The following RUBCN variants were observed in gnomAD, a reference collection of about 807,000 sequenced individuals.
RUBCN encodes the protein run domain Beclin-1-interacting and cysteine-rich domain-containing protein.
In RUBCN, 74 loss-of-function variants were observed where a neutral mutation model predicts 113.2. That is an observed-to-expected ratio of 0.65 (90% CI 0.54 to 0.79). The LOEUF is 0.79. Ranked by LOEUF, RUBCN falls within the 30% of genes least tolerant of loss-of-function variation. The pLI is 0.00. For synonymous variants in RUBCN, 480 were observed against 490.0 expected (o/e 0.98, Z 0.27); for missense variants, 1,109 against 1,251.7 (o/e 0.89, Z 1.72).
Position 197,744,332 on chromosome 3 carries a change from A to T in RUBCN, c.-116+4937T>A, listed in dbSNP as rs191980658. ...CCAAAAATGCAATATTTGGAACATC[A>T]ACATTCAAAAACAAAATCAACATTC... is the stretch of plus-strand genomic sequence containing the variant. On this transcript the variant is annotated intron_variant, in intron 1 of 20. Coordinates refer to the RUBCN transcript ENST00000273582. 1.3e-4 allele frequency among the ~76,000 whole-genome samples: 20 copies of T among 152,296 alleles called. 1 individual carries two copies. The highest frequency in any genetic ancestry group is 1.3e-3 in the Admixed American group (20 of 15,290).
At chr3:197,710,452 T>C (rs1437351193) in intron 2 of RUBCN, among the ~76,000 whole-genome samples, 2 of 151,698 alleles carry the variant, frequency 1.3e-5, no homozygotes, top group Non-Finnish European at 2.9e-5. Flanking sequence ...AATACAAAAT[T>C]AGCTGGGCAT....
At chr3:197,709,427 C>A (rs956186660) in intron 2 of RUBCN, among the ~76,000 whole-genome samples, 2 of 152,092 alleles carry the variant, frequency 1.3e-5, no homozygotes, top group African/African-American at 4.8e-5. Flanking sequence ...GTTGCCCAAG[C>A]TGGAGTGCAA....
intron 1 of RUBCN, among the ~76,000 whole-genome samples, chr3:197,745,753 T>G (rs1334527396): frequency 2.0e-5 from 3 of 151,158 alleles, no homozygotes; most frequent in African/African-American, 7.3e-5. Context: ...ACTATGAGGT[T>G]GAGCTGGGCG....
chr3:197,725,656 C>T (rs551392621), intron 1 of RUBCN, among the ~76,000 whole-genome samples: 6 of 151,322 alleles, frequency 4.0e-5, no homozygotes, highest in South Asian at 2.1e-4. Flanking sequence ...AGCCACTGCA[C>T]GCAGCCAAAG....
intron 1 of RUBCN, among the ~76,000 whole-genome samples, chr3:197,732,116 CG>C (rs535108116): frequency 6.8e-4 from 104 of 152,324 alleles, no homozygotes; most frequent in African/African-American, 2.4e-3. Flanking sequence ...GATGCTAAAA[CG>C]GATCTTACTC....
intron 1 of RUBCN, among the ~76,000 whole-genome samples, chr3:197,721,862 G>A (rs927414099): frequency 6.6e-6 from 1 of 152,174 alleles, no homozygotes; most frequent in Non-Finnish European, 1.5e-5. Flanking sequence ...TCAGGAGCAT[G>A]TTGTTTAATT....
At chr3:197,717,116 G>A (rs1725603385) in intron 2 of RUBCN, among the ~76,000 whole-genome samples, 2 of 149,840 alleles carry the variant, frequency 1.3e-5, no homozygotes, top group African/African-American at 2.5e-5. Flanking sequence ...GCGAGACCCC[G>A]TCTCAAAACA....
At chr3:197,747,756 T>C (rs1237988239) in intron 1 of RUBCN, among the ~76,000 whole-genome samples, 1 of 152,190 alleles carries the variant, frequency 6.6e-6, no homozygotes, top group Non-Finnish European at 1.5e-5. Flanking sequence ...GACTTGTGCT[T>C]AGAGGATTTT....
intron 1 of RUBCN, 31 bp from the exon 2 acceptor site, chr3:197,718,161 G>A (rs1465343628): frequency 1.9e-6 from 3 of 1,613,672 alleles, no homozygotes; most frequent in South Asian, 1.1e-5. Context: ...CCAATCGTTA[G>A]TTACCTTTGC....
chr3:197,712,066 A>G (rs761345006), intron 2 of RUBCN, among the ~76,000 whole-genome samples: 7 of 151,976 alleles, frequency 4.6e-5, no homozygotes, highest in Non-Finnish European at 8.8e-5. Flanking sequence ...TCTTTTTTTC[A>G]TTATTGATTT....
At chr3:197,690,988 A>G in intron 11 of RUBCN, 1 of 694,436 alleles carries the variant, frequency 1.4e-6, no homozygotes, top group Non-Finnish European at 2.2e-6. Flanking sequence ...CTTGACAGTT[A>G]TCACATGATT....
intron 1 of RUBCN, among the ~76,000 whole-genome samples, chr3:197,734,085 G>A (rs1000916737): frequency 3.6e-4 from 54 of 151,830 alleles, no homozygotes; most frequent in Non-Finnish European, 1.0e-4. Flanking sequence ...GCGAAACCCC[G>A]TCTCTACTAA....
chr3:197,681,360 G>A lies in RUBCN; in HGVS notation c.2199C>T (p.Ile733=), dbSNP rs916337449. Residue 733 remains isoleucine, a synonymous_variant, in exon 16 of 20, where the codon ATC becomes ATT. Coordinates refer to ENST00000296343, the MANE Select transcript of RUBCN (RefSeq NM_014687.4). This position sits in a 1 kb window ranked among gnomAD's most constrained non-coding sequence, Gnocchi z 5.5. ...GCGIRTDPDY[I]KRLRYCEYLG... ...GGTACTCACAGTACCGCAGTCGCTT[G>A]ATGTAATCTGGAAAAACCGGAAAGC... 5.0e-6 allele frequency: 8 copies of A among 1,612,532 alleles called. No individual in the cohort carries two copies. In the Admixed American group the frequency reaches 1.3e-4, roughly 27 times the overall value.
intron 1 of RUBCN, among the ~76,000 whole-genome samples, chr3:197,725,915 G>A (rs191127501): frequency 5.9e-5 from 9 of 152,182 alleles, no homozygotes; most frequent in African/African-American, 2.2e-4. Context: ...CCTCAGGTTA[G>A]GTACGGGGAC....
In RUBCN at chr3:197,673,611, A is replaced by C. The variant is rs1430712999; in HGVS notation, c.*1407T>G. The C allele has an allele frequency of 2.0e-5, 3 of 152,268 alleles. No homozygotes were observed. The highest frequency in any genetic ancestry group is 1.3e-4 in the Admixed American group (2 of 15,258). 9.4% of individuals were successfully genotyped at this position (152,268 alleles called of 1,614,324 possible). The stretch of plus-strand genomic sequence containing the variant: ...CTGCATCAACTTAAGGAACATCACA[A>C]ACACACACATGGCCCCACCCAAGGA... On this transcript the variant is annotated 3_prime_UTR_variant, in exon 20 of 20. Transcript: ENST00000296343.
rs1046029464 is a variant in RUBCN, at chr3:197,681,736, C to A, written c.2191+99G>T. On this transcript the variant is annotated intron_variant, in intron 15 of 19. Coordinates refer to ENST00000296343, the MANE Select transcript of RUBCN (RefSeq NM_014687.4). This position sits in a 1 kb window ranked among gnomAD's most constrained non-coding sequence, Gnocchi z 5.5. ...TTTCTCCTTCCCTACTTCTGCCACG[C>A]CACCTCCTGCTACCGCCTTTGACAC... 2.8e-6 allele frequency: 3 copies of A among 1,076,034 alleles called. No homozygotes were observed. The highest frequency in any genetic ancestry group is 4.3e-6 in the Non-Finnish European group (3 of 692,026). 66.7% of individuals were successfully genotyped at this position (1,076,034 alleles called of 1,614,324 possible). A position where few individuals can be genotyped will look rare whatever the true frequency, so the allele number is the denominator to read the frequency against.
At chr3:197,725,006 T>C (rs9825286) in intron 1 of RUBCN, among the ~76,000 whole-genome samples, 17,277 of 151,940 alleles carry the variant, frequency 0.11, 1,216 homozygotes, top group African/African-American at 0.19. Context: ...ATGCAAAATC[T>C]CGTCTCTACA....
upstream of RUBCN, among the ~76,000 whole-genome samples, chr3:197,738,323 G>A (rs1728336645): frequency 6.6e-6 from 1 of 152,194 alleles, no homozygotes; most frequent in African/African-American, 2.4e-5. Flanking sequence ...ACTGTGGCAA[G>A]TGAGGGAGAA....
At position 197,669,733 on chromosome 3, in the gene RUBCN, T is replaced by G. The variant is rs756817745; in HGVS notation, c.*5285A>C. Among the ~76,000 whole-genome samples, 2 of 152,214 alleles carry G rather than the reference T, an allele frequency of 1.3e-5. No homozygotes were observed. Among genetic ancestry groups the G allele is most frequent in the Non-Finnish European group, 2.9e-5 (2 of 68,036 alleles). Reference sequence around the variant, plus strand: ...ATTAAACTCCACCTCCTGGGAGAATTTACGTATTTTGTTTAGAATTCTTCT... The same window carrying G: ...ATTAAACTCCACCTCCTGGGAGAATGTACGTATTTTGTTTAGAATTCTTCT... On this transcript the variant is annotated 3_prime_UTR_variant, in exon 20 of 20. Coordinates refer to ENST00000296343, the MANE Select transcript of RUBCN (RefSeq NM_014687.4).
Sources: allele counts gnomAD v4.1 joint callset (sites outside exome capture counted in the v4.1 genomes callset), GRCh38; gene constraint gnomAD v4.1.1; non-coding constraint Gnocchi (gnomAD v3.1); transcripts MANE v1.5; gene names NCBI Gene and HGNC (gene_info 2026-07-23, HGNC 2026-07-21).